Variants in FGF12 observed in about 807,000 individuals in gnomAD.
The protein encoded by FGF12 is fibroblast growth factor 12.
In FGF12, 14 loss-of-function variants were observed where a neutral mutation model predicts 23.6. The observed-to-expected ratio is 0.59, with a 90% CI of 0.39 to 0.93. The LOEUF is 0.93. Ranked by LOEUF, FGF12 falls within the 40% of genes least tolerant of loss-of-function variation. FGF12 has a pLI of 0.00. For synonymous variants in FGF12, 62 were observed against 77.3 expected, an observed-to-expected ratio of 0.80 and a Z score of 1.04; for missense variants, 175 against 217.8, an observed-to-expected ratio of 0.80 and a Z score of 1.24.
intron 2 of FGF12, among the ~76,000 whole-genome samples, chr3:192,670,889 G>A (rs13068005): frequency 0.68 from 103,423 of 152,052 alleles, 36,481 homozygotes; most frequent in African/African-American, 0.87. Flanking sequence ...AATTGCAAAG[G>A]TGAGTAGATG....
At chr3:192,460,682 T>A (rs1875457) in intron 2 of FGF12, among the ~76,000 whole-genome samples, 2,282 of 142,410 alleles carry the variant, frequency 0.016, 34 homozygotes, top group East Asian at 0.059. Flanking sequence ...ACACATATAT[T>A]TATATATATA....
chr3:192,373,583 C>T (rs1719341788), intron 2 of FGF12, among the ~76,000 whole-genome samples: 1 of 152,094 alleles, frequency 6.6e-6, no homozygotes, highest in South Asian at 2.1e-4. Flanking sequence ...CTTGATATTA[C>T]ATCACACAAA....
At chr3:192,697,185 C>A (rs1273825177) in intron 2 of FGF12, among the ~76,000 whole-genome samples, 1 of 152,026 alleles carries the variant, frequency 6.6e-6, no homozygotes, top group Non-Finnish European at 1.5e-5. Flanking sequence ...GCAATGATTC[C>A]CCAAAGGTTA....
At chr3:192,186,738 A>G (rs1345824670) in intron 4 of FGF12, among the ~76,000 whole-genome samples, 9 of 152,188 alleles carry the variant, frequency 5.9e-5, no homozygotes, top group Admixed American at 5.9e-4. Flanking sequence ...ACAACTGAAA[A>G]ATCTATTGTT....
intron 4 of FGF12, among the ~76,000 whole-genome samples, chr3:192,197,827 T>C (rs577264492): frequency 6.6e-6 from 1 of 151,092 alleles, no homozygotes; most frequent in Admixed American, 6.6e-5. Context: ...ATGCCTGTAA[T>C]CCCAGCTACT....
chr3:192,617,946 C>CAT (rs1245054186), intron 2 of FGF12, among the ~76,000 whole-genome samples: 1 of 151,856 alleles, frequency 6.6e-6, no homozygotes, highest in East Asian at 1.9e-4. Context: ...ATTTTAAGAA[C>CAT]ATATATATAG....
chr3:192,191,390 T>G (rs752469198), intron 4 of FGF12, among the ~76,000 whole-genome samples: 1 of 152,212 alleles, frequency 6.6e-6, no homozygotes, highest in Non-Finnish European at 1.5e-5. Flanking sequence ...TTGATAATGA[T>G]ATGTCAGTGC....
intron 2 of FGF12, among the ~76,000 whole-genome samples, chr3:192,579,984 C>A (rs1713066235): frequency 1.3e-5 from 2 of 152,166 alleles, no homozygotes; most frequent in Admixed American, 1.3e-4. Context: ...GTTTCCTGGG[C>A]ATTCTCATAG....
chr3:192,192,731 G>T (rs1716858115), intron 4 of FGF12, among the ~76,000 whole-genome samples: 1 of 150,424 alleles, frequency 6.6e-6, no homozygotes, highest in African/African-American at 2.5e-5. Context: ...AAAAATAAAA[G>T]AAGTGTCTTT....
intron 2 of FGF12, among the ~76,000 whole-genome samples, chr3:192,388,438 C>T (rs1038408449): frequency 1.3e-5 from 2 of 151,966 alleles, no homozygotes; most frequent in Non-Finnish European, 2.9e-5. Context: ...TAGAGGTTGA[C>T]ATATGTTAGG....
chr3:192,366,583 A>C (rs546933932), intron 2 of FGF12, among the ~76,000 whole-genome samples: 1 of 152,296 alleles, frequency 6.6e-6, no homozygotes, highest in Non-Finnish European at 1.5e-5. Context: ...TTTTTTGTTG[A>C]GATTCAAGGA....
At chr3:192,346,783 T>C (rs1046885111) in intron 3 of FGF12, among the ~76,000 whole-genome samples, 1 of 152,162 alleles carries the variant, frequency 6.6e-6, no homozygotes, top group Non-Finnish European at 1.5e-5. Flanking sequence ...TTTAGTGATG[T>C]CTGCAGTGAA....
Position 192,573,596 on chromosome 3 carries a change from C to G in FGF12, c.13+153585G>C, listed in dbSNP as rs566407571. ...TAAACTGGGACACTGGCTCTGCAGA[C>G]AGTGGACCAGCCTCAATAATCACAT... On this transcript the variant is annotated intron_variant, in intron 2 of 5. Transcript: ENST00000445105. 2.6e-5 allele frequency among the ~76,000 whole-genome samples: 4 copies of G among 152,216 alleles called. No individual in the cohort carries two copies. In the South Asian group the frequency reaches 8.3e-4, roughly 32 times the overall value.
chr3:192,683,512 CAT>C (rs1407566073), intron 2 of FGF12, among the ~76,000 whole-genome samples: 1 of 152,146 alleles, frequency 6.6e-6, no homozygotes, highest in Non-Finnish European at 1.5e-5. Context: ...TGATGAATGA[CAT>C]AAAAAATTGT....
At chr3:192,590,922 T>C (rs1348967140) in intron 2 of FGF12, among the ~76,000 whole-genome samples, 4 of 151,922 alleles carry the variant, frequency 2.6e-5, no homozygotes, top group African/African-American at 9.6e-5. Flanking sequence ...TGCTCCCCCT[T>C]GCTCACACAG....
chr3:192,197,158 T>A (rs1717110101), intron 4 of FGF12, among the ~76,000 whole-genome samples: 1 of 152,236 alleles, frequency 6.6e-6, no homozygotes, highest in Admixed American at 6.5e-5. Flanking sequence ...CATGTGCAAT[T>A]TTCTATAAGT....
chr3:192,167,938 T>C (rs1715319415), intron 5 of FGF12, among the ~76,000 whole-genome samples: 2 of 151,358 alleles, frequency 1.3e-5, no homozygotes, highest in African/African-American at 4.9e-5. Flanking sequence ...GGTTAATTTT[T>C]GTATTTTTAG....
At position 192,150,794 on chromosome 3, in the gene FGF12, T is replaced by C. The variant is rs956160488; in HGVS notation, c.428-6667A>G. On this transcript the variant is annotated intron_variant, in intron 5 of 5. Coordinates refer to ENST00000445105, the MANE Select transcript of FGF12 (RefSeq NM_004113.6). ...TTTTGGCTTAGGATTGACTTGGCAA[T>C]GCGGGCTCTTTTTTGGTTCCATATG... 3.3e-3 allele frequency among the ~76,000 whole-genome samples: 479 copies of C among 143,864 alleles called. 4 individuals carry two copies. The highest frequency in any genetic ancestry group is 0.012 in the African/African-American group (457 of 38,756). The allele number at this position is 143,864 out of a possible 152,430, so 94.4% of individuals were successfully genotyped here.
intron 2 of FGF12, among the ~76,000 whole-genome samples, chr3:192,379,069 C>G (rs1560092305): frequency 6.6e-6 from 1 of 152,124 alleles, no homozygotes; most frequent in Non-Finnish European, 1.5e-5. Context: ...TATCAATGTT[C>G]CTGCTAAAGA....
Sources: allele counts gnomAD v4.1 joint callset (sites outside exome capture counted in the v4.1 genomes callset), GRCh38; gene constraint gnomAD v4.1.1; transcripts MANE v1.5; gene names NCBI Gene and HGNC (gene_info 2026-07-23, HGNC 2026-07-21).